ASCC3: variants seen among roughly 807,000 people sequenced by gnomAD.
ASCC3 encodes the protein ASC-1 complex subunit P200.
ASCC3 carries 158 observed loss-of-function variants against 256.3 expected under a neutral mutation model. The ratio of observed to expected loss-of-function variants is 0.62; its 90% CI spans 0.54 to 0.70. The LOEUF (loss-of-function observed/expected upper bound fraction) is 0.70. Ranked by LOEUF, ASCC3 falls within the 30% of genes least tolerant of loss-of-function variation. ASCC3 has a pLI of 0.00. For missense variants in ASCC3, 2,259 were observed against 2,626.0 expected (o/e 0.86, Z 3.05); for synonymous variants, 948 against 883.4 (o/e 1.07, Z -1.30).
At chr6:100,542,868 A>G (rs1037074694) in intron 36 of ASCC3, among the ~76,000 whole-genome samples, 1 of 152,110 alleles carries the variant, frequency 6.6e-6, no homozygotes, top group African/African-American at 2.4e-5. Context: ...GAAAATATGG[A>G]TCTACACAAA....
At chr6:100,793,554 AT>A (rs1176145851) in intron 8 of ASCC3, among the ~76,000 whole-genome samples, 1 of 151,898 alleles carries the variant, frequency 6.6e-6, no homozygotes, top group Non-Finnish European at 1.5e-5. Context: ...TTAATTTACC[AT>A]TTTTTTTAAT....
rs72610823 is a variant in ASCC3 at position 100,866,559 on chromosome 6, T to C, written c.90+1349A>G. The stretch of plus-strand genomic sequence containing the variant: ...CCTTCAGTACCTCAGAATGTGACTA[T>C]CTTTGAAAATCGGGCCTTAAAGGGG... On this transcript the variant is annotated intron_variant, in intron 2 of 41. Coordinates refer to ENST00000369162, the MANE Select transcript of ASCC3 (RefSeq NM_006828.4). Among the ~76,000 whole-genome samples, 3,660 of 152,310 alleles carry C rather than the reference T, an allele frequency of 0.024. 301 individuals carry two copies. The East Asian group carries it at 0.29, about 12-fold the overall frequency.
intron 8 of ASCC3, among the ~76,000 whole-genome samples, chr6:100,776,012 TAAAG>T (rs1353290776): frequency 6.6e-6 from 1 of 152,072 alleles, no homozygotes; most frequent in Non-Finnish European, 1.5e-5. Context: ...AACAAATGAT[TAAAG>T]AAGAAGAATA....
At chr6:100,646,282 AAT>A (rs2114901437) in intron 22 of ASCC3, among the ~76,000 whole-genome samples, 1 of 152,164 alleles carries the variant, frequency 6.6e-6, no homozygotes, top group South Asian at 2.1e-4. Context: ...TGAGGATGAG[AAT>A]AAATATTGCT....
intron 13 of ASCC3, among the ~76,000 whole-genome samples, chr6:100,710,620 C>G (rs1377958983): frequency 6.6e-6 from 1 of 152,046 alleles, no homozygotes; most frequent in Non-Finnish European, 1.5e-5. Flanking sequence ...ATTAATGATT[C>G]CTAAGGGGGC....
intron 36 of ASCC3, among the ~76,000 whole-genome samples, chr6:100,547,704 T>C (rs1769052429): frequency 6.6e-6 from 1 of 151,978 alleles, no homozygotes; most frequent in Non-Finnish European, 1.5e-5. Context: ...ATGTAAGATG[T>C]TCCAATTTCT....
chr6:100,600,070 G>A (rs191207009), intron 34 of ASCC3, among the ~76,000 whole-genome samples: 1 of 152,098 alleles, frequency 6.6e-6, no homozygotes, highest in African/African-American at 2.4e-5. Context: ...AGGATAGTGA[G>A]GAAATAAGAA....
chr6:100,543,264 T>G (rs1002313488), intron 36 of ASCC3, among the ~76,000 whole-genome samples: 1 of 152,154 alleles, frequency 6.6e-6, no homozygotes, highest in African/African-American at 2.4e-5. Flanking sequence ...CTGTGTTGTT[T>G]GGGGAATAAT....
rs1772909396 is a variant in ASCC3, at chr6:100,606,771, T to A, written c.5013A>T (p.Lys1671Asn). 1 of 1,607,642 alleles carries A rather than the reference T, an allele frequency of 6.2e-7. No homozygotes were observed. Among genetic ancestry groups the A allele is most frequent in the Non-Finnish European group, 8.5e-7 (1 of 1,177,792 alleles). Reference protein sequence around the residue: ...IIKGTEYYDGKTRRYVDFPIT... With the variant: ...IIKGTEYYDGNTRRYVDFPIT... ...TGGGAAAATCCACATAACGTCTTGT[T>A]TTTCCATCATAGTATTCTGTTCCCT... The change falls in exon 32 of 42, where the codon AAA becomes AAT. Residue 1671 changes from lysine (K) to asparagine (N), a missense_variant. This residue lies in a region of ASCC3 where 1,839 missense variants were observed against 2,206.7 expected (regional missense o/e 0.83). Coordinates refer to ENST00000369162, the MANE Select transcript of ASCC3 (RefSeq NM_006828.4).
At chr6:100,648,003 TTAAC>T (rs2114905432) in intron 20 of ASCC3, among the ~76,000 whole-genome samples, 2 of 152,208 alleles carry the variant, frequency 1.3e-5, no homozygotes, top group South Asian at 4.1e-4. Context: ...ATTGCCTCAT[TTAAC>T]TTTTACAAAA....
Position 100,540,276 on chromosome 6 carries a change from G to A in ASCC3, c.5662C>T (p.His1888Tyr). The change falls in exon 37 of 42, where the codon CAC (histidine) becomes TAC (tyrosine). Residue 1888 changes from histidine to tyrosine, a missense_variant. His to Tyr is a moderately conservative substitution (Grantham distance 83). Transcript: ENST00000369162. ...TGTAGCAGGAGATGTGCTTTGGTGT[G>A]AGGGCTGTCAAATGAATGAGGATTT... ...ESNPHSFDSP[H>Y]TKAHLLLQAH... 1 of 1,613,942 alleles carries A rather than the reference G, an allele frequency of 6.2e-7. No homozygotes were observed. Among genetic ancestry groups the A allele is most frequent in the Non-Finnish European group, 8.5e-7 (1 of 1,179,978 alleles).
chr6:100,532,274 T>C (rs1774914265), intron 37 of ASCC3, among the ~76,000 whole-genome samples: 1 of 150,250 alleles, frequency 6.7e-6, no homozygotes, highest in Non-Finnish European at 1.5e-5. Context: ...TCTAGTCTAT[T>C]TACTGTTTTT....
intron 23 of ASCC3, among the ~76,000 whole-genome samples, chr6:100,643,115 A>G (rs1004558951): frequency 6.6e-6 from 1 of 152,130 alleles, no homozygotes; most frequent in Non-Finnish European, 1.5e-5. Context: ...GTTAAGTTCT[A>G]TCAGTACCTA....
At chr6:100,833,804 C>T (rs1292648441) in intron 4 of ASCC3, among the ~76,000 whole-genome samples, 1 of 152,100 alleles carries the variant, frequency 6.6e-6, no homozygotes, top group East Asian at 1.9e-4. Flanking sequence ...GGCTGAAATC[C>T]TGGCGGCTCA....
At chr6:100,636,083 A>C (rs368304210) in intron 25 of ASCC3, among the ~76,000 whole-genome samples, 42 of 152,316 alleles carry the variant, frequency 2.8e-4, no homozygotes, top group Middle Eastern at 3.4e-3. Flanking sequence ...TTCTTGCTGC[A>C]AATTATCCTA....
chr6:100,547,379 T>A (rs1769026742), intron 36 of ASCC3, among the ~76,000 whole-genome samples: 1 of 151,900 alleles, frequency 6.6e-6, no homozygotes, highest in East Asian at 1.9e-4. Context: ...CAGCTGAACA[T>A]CATCAAGATT....
At chr6:100,808,791 G>A (rs768650374) in intron 4 of ASCC3, among the ~76,000 whole-genome samples, 5 of 151,870 alleles carry the variant, frequency 3.3e-5, no homozygotes, top group Admixed American at 1.3e-4. Flanking sequence ...ACATCATAGA[G>A]TGTAATTACA....
At chr6:100,693,631 T>G (rs1777940983) in intron 13 of ASCC3, among the ~76,000 whole-genome samples, 1 of 152,174 alleles carries the variant, frequency 6.6e-6, no homozygotes, top group South Asian at 2.1e-4. Flanking sequence ...ACTGCTGATT[T>G]GCTTGGTCCA....
chr6:100,836,808 G>C (rs1336664614), intron 4 of ASCC3, among the ~76,000 whole-genome samples: 1 of 152,058 alleles, frequency 6.6e-6, no homozygotes, highest in Non-Finnish European at 1.5e-5. Context: ...AATAATTTGA[G>C]TAGAACTATT....
Sources: gnomAD v4.1 joint callset for allele counts (sites outside exome capture counted in the v4.1 genomes callset) on GRCh38, gnomAD v4.1.1 for gene constraint, gnomAD v4.1.1 regional missense constraint, MANE v1.5 for transcripts, NCBI Gene and HGNC (gene_info 2026-07-23, HGNC 2026-07-21) for gene names.